The following ST6GAL1 variants were observed in gnomAD, a reference collection of about 807,000 sequenced individuals.
ST6GAL1 encodes beta-galactoside alpha-2,6-sialyltransferase 1.
Under a neutral mutation model 38.0 loss-of-function variants are expected in ST6GAL1, and 20 were observed. The ratio of observed to expected loss-of-function variants is 0.53; its 90% CI spans 0.37 to 0.77. The LOEUF is 0.77. Ranked by LOEUF, ST6GAL1 falls within the 30% of genes least tolerant of loss-of-function variation. The pLI is 0.00. For missense variants in ST6GAL1, 432 were observed against 496.4 expected, an observed-to-expected ratio of 0.87 and a Z score of 1.23; for synonymous variants, 196 against 188.2, an observed-to-expected ratio of 1.04 and a Z score of -0.34.
chr3:187,040,841 C>T (rs1486405014), intron 3 of ST6GAL1, among the ~76,000 whole-genome samples: 1 of 152,178 alleles, frequency 6.6e-6, no homozygotes, highest in Non-Finnish European at 1.5e-5. Context: ...TTCAGCAGCC[C>T]AAGATAGGAG....
At chr3:187,014,904 A>G (rs548866631) in intron 2 of ST6GAL1, among the ~76,000 whole-genome samples, 1 of 152,338 alleles carries the variant, frequency 6.6e-6, no homozygotes, top group African/African-American at 2.4e-5. Context: ...AATCACACAC[A>G]TGCCACCAGA....
intron 2 of ST6GAL1, among the ~76,000 whole-genome samples, chr3:186,965,555 T>A (rs1481187932): frequency 1.3e-5 from 2 of 152,168 alleles, no homozygotes; most frequent in African/African-American, 4.8e-5. Flanking sequence ...GGTGGTAAGG[T>A]CTACAGAGTC....
chr3:187,063,658 G>A (rs1347945965), intron 5 of ST6GAL1, among the ~76,000 whole-genome samples: 1 of 152,188 alleles, frequency 6.6e-6, no homozygotes, highest in East Asian at 1.9e-4. Context: ...TACTCTCTGA[G>A]CACTTCTTCG....
intron 1 of ST6GAL1, among the ~76,000 whole-genome samples, chr3:186,957,590 T>C (rs1388680614): frequency 6.6e-6 from 1 of 151,786 alleles, no homozygotes; most frequent in Non-Finnish European, 1.5e-5. Flanking sequence ...TTTGAGAACA[T>C]TGAAAGGACA....
At chr3:187,024,170 C>T (rs1003568297) in intron 2 of ST6GAL1, among the ~76,000 whole-genome samples, 1 of 151,962 alleles carries the variant, frequency 6.6e-6, no homozygotes, top group South Asian at 2.1e-4. Flanking sequence ...TCTCTGCTCA[C>T]TGCAATCTCC....
At chr3:187,052,810 C>T (rs1718561872) in intron 5 of ST6GAL1, among the ~76,000 whole-genome samples, 1 of 152,150 alleles carries the variant, frequency 6.6e-6, no homozygotes, top group African/African-American at 2.4e-5. Context: ...TGGGTATATA[C>T]CCAGTAATGG....
intron 1 of ST6GAL1, among the ~76,000 whole-genome samples, chr3:186,962,013 A>G (rs546958768): frequency 2.8e-4 from 43 of 152,100 alleles, no homozygotes; most frequent in Non-Finnish European, 5.0e-4. Context: ...CCCCACAGTG[A>G]CCCTGGCTCC....
intron 2 of ST6GAL1, among the ~76,000 whole-genome samples, chr3:186,972,746 AGGC>A (rs1715392806): frequency 6.6e-6 from 1 of 152,162 alleles, no homozygotes; most frequent in Non-Finnish European, 1.5e-5. Flanking sequence ...AACTGGGGTA[AGGC>A]ACATACTCCC....
intron 1 of ST6GAL1, among the ~76,000 whole-genome samples, chr3:186,955,902 T>C (rs753948702): frequency 6.6e-6 from 1 of 152,202 alleles, no homozygotes; most frequent in Non-Finnish European, 1.5e-5. Flanking sequence ...ATTCTCTTTG[T>C]AGCAATTGTG....
chr3:187,012,259 T>C (rs1016630142), intron 2 of ST6GAL1, among the ~76,000 whole-genome samples: 2 of 143,834 alleles, frequency 1.4e-5, no homozygotes, highest in African/African-American at 5.1e-5. Context: ...TTTTTTTCAT[T>C]TTTTTTTTCT....
At chr3:187,047,950 T>C (rs1187433220) in intron 4 of ST6GAL1, among the ~76,000 whole-genome samples, 4 of 151,182 alleles carry the variant, frequency 2.6e-5, no homozygotes, top group Non-Finnish European at 4.4e-5. Flanking sequence ...TCCTTTCTTT[T>C]TTTTTTTTTT....
rs1400708143 is a variant in ST6GAL1 at position 187,076,486 on chromosome 3, A to G, written c.*683A>G. On this transcript the variant is annotated 3_prime_UTR_variant, in exon 8 of 8. Coordinates refer to ENST00000169298, the MANE Select transcript of ST6GAL1 (RefSeq NM_173216.2). ...ATACAGTGTCTATCCTCAAGTTGCT[A>G]CGGTTCAGTGAGAGAGGCAGACATC... 2 of 207,126 alleles carry G rather than the reference A, an allele frequency of 9.7e-6. No individual in the cohort carries two copies. Among genetic ancestry groups the G allele is most frequent in the African/African-American group, 4.6e-5 (2 of 43,392 alleles). 12.8% of individuals were successfully genotyped at this position (207,126 alleles called of 1,614,324 possible).
intron 2 of ST6GAL1, among the ~76,000 whole-genome samples, chr3:186,980,958 T>G (rs6775942): frequency 0.48 from 72,978 of 152,026 alleles, 18,315 homozygotes; most frequent in East Asian, 0.85. Flanking sequence ...CAGGGACCCA[T>G]TCCTCAGTCA....
intron 2 of ST6GAL1, among the ~76,000 whole-genome samples, chr3:187,021,111 A>G (rs77397204): frequency 2.2e-4 from 34 of 151,326 alleles, no homozygotes; most frequent in Non-Finnish European, 4.6e-4. Flanking sequence ...TTACAGGAGC[A>G]TGCCACCACG....
At chr3:187,040,892 G>A (rs1042647143) in intron 3 of ST6GAL1, among the ~76,000 whole-genome samples, 1 of 152,200 alleles carries the variant, frequency 6.6e-6, no homozygotes, top group African/African-American at 2.4e-5. Context: ...GGTCTGGGAT[G>A]GTGGAAGCAC....
intron 2 of ST6GAL1, among the ~76,000 whole-genome samples, chr3:187,030,398 T>C (rs921191550): frequency 3.3e-5 from 5 of 152,162 alleles, no homozygotes; most frequent in African/African-American, 1.2e-4. Flanking sequence ...GTGGCTCCAG[T>C]GAGTAGAGCT....
At chr3:186,946,205 G>C (rs115152569) in intron 1 of ST6GAL1, among the ~76,000 whole-genome samples, 9 of 151,708 alleles carry the variant, frequency 5.9e-5, no homozygotes, top group African/African-American at 1.9e-4. Flanking sequence ...TCGGCTGCTC[G>C]GTGGGGCTGA....
intron 2 of ST6GAL1, among the ~76,000 whole-genome samples, chr3:186,977,696 C>T (rs1170926682): frequency 6.6e-6 from 1 of 152,182 alleles, no homozygotes; most frequent in Admixed American, 6.5e-5. Context: ...CATCCCGTGC[C>T]TCCAGGGGCC....
At chr3:187,050,373 T>C (rs1348981207) in intron 4 of ST6GAL1, among the ~76,000 whole-genome samples, 1 of 152,178 alleles carries the variant, frequency 6.6e-6, no homozygotes, top group East Asian at 1.9e-4. Context: ...CTTCATCAGA[T>C]AGGTCAACGT....
Sources: allele counts gnomAD v4.1 joint callset (sites outside exome capture counted in the v4.1 genomes callset), GRCh38; gene constraint gnomAD v4.1.1; transcripts MANE v1.5; gene names NCBI Gene and HGNC (gene_info 2026-07-23, HGNC 2026-07-21).